The following ACOT11 variants were observed in gnomAD, a reference collection of about 807,000 sequenced individuals.
ACOT11 encodes acyl-CoA thioesterase 11, also known as acyl-coenzyme A thioesterase 11.
Under a neutral mutation model 77.5 loss-of-function variants are expected in ACOT11, and 69 were observed. The observed-to-expected ratio is 0.89, with a 90% confidence interval of 0.73 to 1.09. The LOEUF (loss-of-function observed/expected upper bound fraction) is 1.09. Among genes scored for constraint, ACOT11 ranks in the 50% least tolerant of loss-of-function variants. The probability of loss-of-function intolerance (pLI) is 0.00; values close to 1 mark genes in which losing one functional copy is unlikely to be tolerated. For synonymous variants in ACOT11, 279 were observed against 313.0 expected (o/e 0.89, Z 1.15); for missense variants, 766 against 813.7 (o/e 0.94, Z 0.71).
intron 3 of ACOT11, among the ~76,000 whole-genome samples, chr1:54,587,067 T>TA (rs1295986289): frequency 3.3e-5 from 5 of 152,136 alleles, no homozygotes; most frequent in African/African-American, 7.2e-5. Context: ...ACCACACACT[T>TA]AATATTAGAT....
chr1:54,573,980 G>C (rs927955474), intron 1 of ACOT11, among the ~76,000 whole-genome samples: 18 of 148,416 alleles, frequency 1.2e-4, no homozygotes, highest in African/African-American at 4.5e-4. Flanking sequence ...GGTGAGCCAA[G>C]ATTGTGCCAT....
chr1:54,622,275 C>CAA (rs34730286), intron 15 of ACOT11, among the ~76,000 whole-genome samples: 136 of 45,532 alleles, frequency 3.0e-3, no homozygotes, highest in East Asian at 4.7e-3. Context: ...GACTCTGTCT[C>CAA]AAAAAAAAAA....
intron 1 of ACOT11, among the ~76,000 whole-genome samples, chr1:54,556,681 A>C (rs1016307715): frequency 2.0e-5 from 3 of 151,882 alleles, no homozygotes; most frequent in African/African-American, 7.3e-5. Flanking sequence ...TCCTGGGTTC[A>C]AGTGATTCTT....
At chr1:54,611,755 CG>C, downstream of ACOT11, 1 of 1,613,802 alleles carries the variant, frequency 6.2e-7, no homozygotes, top group East Asian at 2.2e-5. Context: ...CCTGGGGACA[CG>C]AGAGCTGGCT....
At chr1:54,612,695 G>A (rs1490624190), downstream of ACOT11, 1 of 1,613,646 alleles carries the variant, frequency 6.2e-7, no homozygotes, top group Admixed American at 1.7e-5. Flanking sequence ...ACTTCTCCTG[G>A]ACCAGGGCCA....
At chr1:54,572,517 ACTGC>A (rs1653958879) in intron 1 of ACOT11, among the ~76,000 whole-genome samples, 1 of 152,074 alleles carries the variant, frequency 6.6e-6, no homozygotes, top group African/African-American at 2.4e-5. Flanking sequence ...CATGGGGGTG[ACTGC>A]CTGTGAACAT....
chr1:54,627,485 C>T lies in ACOT11; in HGVS notation c.1630-3249C>T, dbSNP rs1644278302. Among the ~76,000 whole-genome samples, 2 of 135,630 alleles carry T rather than the reference C, an allele frequency of 1.5e-5. 1 individual carries two copies. Among genetic ancestry groups the T allele is most frequent in the South Asian group, 4.8e-4 (2 of 4,128 alleles). The allele number at this position is 135,630 out of a possible 152,430, so 89.0% of individuals were successfully genotyped here. On this transcript the variant is annotated intron_variant, in intron 15 of 16. Coordinates refer to the ACOT11 transcript ENST00000371316. ...GGGGCATAAATTACTAAACAAGTTACTGAGCATGCATTCTGTGCCAGGCAC... is the reference window on the plus strand; with the variant it reads ...GGGGCATAAATTACTAAACAAGTTATTGAGCATGCATTCTGTGCCAGGCAC...
intron 1 of ACOT11, among the ~76,000 whole-genome samples, chr1:54,575,586 C>T (rs1319612084): frequency 1.3e-5 from 2 of 152,134 alleles, no homozygotes; most frequent in Admixed American, 1.3e-4. Flanking sequence ...AAATCTCATG[C>T]ATTTGGTCCA....
chr1:54,562,593 G>A (rs1569655301), intron 1 of ACOT11, among the ~76,000 whole-genome samples: 1 of 147,812 alleles, frequency 6.8e-6, no homozygotes, highest in Non-Finnish European at 1.5e-5. Flanking sequence ...GGGCGGAGAG[G>A]CTCCTCACTT....
At chr1:54,605,449 G>T (rs995722515) in intron 13 of ACOT11, among the ~76,000 whole-genome samples, 1 of 152,198 alleles carries the variant, frequency 6.6e-6, no homozygotes, top group Non-Finnish European at 1.5e-5. Flanking sequence ...CCAACCAGCT[G>T]TGTGACATTG....
rs908800605 is a variant in ACOT11 at position 54,557,353 on chromosome 1, C to T, written c.33+9011C>T. ...GTTGCAGTGAGCCGAGATCATGCCA[C>T]TGCACTCCAGCCTGAGTGACAGAGA... On this transcript the variant is annotated intron_variant, in intron 1 of 15. Coordinates refer to ENST00000343744, the MANE Select transcript of ACOT11 (RefSeq NM_147161.4). Among the ~76,000 whole-genome samples, 3 of 142,954 alleles carry T rather than the reference C, an allele frequency of 2.1e-5. No homozygotes were observed. In the Admixed American group the frequency reaches 2.2e-4, roughly 10 times the overall value. 93.8% of individuals were successfully genotyped at this position (142,954 alleles called of 152,430 possible). A position where few individuals can be genotyped will look rare whatever the true frequency, so the allele number is the denominator to read the frequency against.
At chr1:54,630,333 C>G (rs946568996) in intron 15 of ACOT11, among the ~76,000 whole-genome samples, 2 of 152,210 alleles carry the variant, frequency 1.3e-5, no homozygotes, top group African/African-American at 4.8e-5. Context: ...GGCCCCAAAA[C>G]TGGCCATAAG....
chr1:54,578,099 A>G (rs1010694356), intron 1 of ACOT11, among the ~76,000 whole-genome samples: 2 of 152,178 alleles, frequency 1.3e-5, no homozygotes, highest in Non-Finnish European at 2.9e-5. Flanking sequence ...TGCCAGTTCT[A>G]TGAGTGAGGC....
intron 15 of ACOT11, 103 bp downstream of exon 15, chr1:54,608,171 C>T: frequency 5.0e-6 from 6 of 1,211,982 alleles, no homozygotes; most frequent in South Asian, 1.6e-5. Context: ...CAGAGCTGGC[C>T]CCCCAGCAGG....
chr1:54,549,455 A>T (rs970959359), intron 1 of ACOT11, among the ~76,000 whole-genome samples: 2 of 151,848 alleles, frequency 1.3e-5, no homozygotes, highest in Non-Finnish European at 2.9e-5. Flanking sequence ...TGTACTTGCT[A>T]TGTCTTCTGC....
At chr1:54,554,195 A>AC (rs1458895891) in intron 1 of ACOT11, among the ~76,000 whole-genome samples, 3 of 149,058 alleles carry the variant, frequency 2.0e-5, no homozygotes, top group Admixed American at 1.3e-4. Context: ...AAAGAAAACA[A>AC]AAAAAAAAAC....
chr1:54,597,456 C>A, intron 7 of ACOT11, 41 bp downstream of exon 7: 1 of 1,550,604 alleles, frequency 6.4e-7, no homozygotes, highest in South Asian at 1.2e-5. Context: ...CCTCCTTTCT[C>A]CTCCTCCTCC....
chr1:54,627,865 T>C lies in ACOT11; in HGVS notation c.1630-2869T>C, dbSNP rs1424011432. Among the ~76,000 whole-genome samples the C allele has an allele frequency of 3.0e-5, 4 of 132,322 alleles. No individual in the cohort carries two copies. In the East Asian group the frequency reaches 7.1e-4, roughly 23 times the overall value. The allele number at this position is 132,322 out of a possible 152,430, so 86.8% of individuals were successfully genotyped here. A position where few individuals can be genotyped will look rare whatever the true frequency, so the allele number is the denominator to read the frequency against. ...GTGTGTGTGGGAGAGGGCACAGGCA[T>C]GAGGGAGAAGAGCCTGTTTGGGAGC... is the stretch of plus-strand genomic sequence containing the variant. On this transcript the variant is annotated intron_variant, in intron 15 of 16. Transcript: ENST00000371316.
intron 1 of ACOT11, among the ~76,000 whole-genome samples, chr1:54,554,317 G>T (rs529666677): frequency 1.2e-5 from 1 of 81,440 alleles, no homozygotes. Flanking sequence ...GTGTGTGTGT[G>T]TGTGTGTGTG....
Sources: allele counts gnomAD v4.1 joint callset (sites outside exome capture counted in the v4.1 genomes callset), GRCh38; gene constraint gnomAD v4.1.1; transcripts MANE v1.5; gene names NCBI Gene and HGNC (gene_info 2026-07-23, HGNC 2026-07-21).